RUFY3: variants seen among roughly 807,000 people sequenced by gnomAD.
RUFY3 encodes the protein protein RUFY3.
A neutral mutation model predicts 84.0 loss-of-function variants in RUFY3; 34 were observed. That is an observed-to-expected ratio of 0.40 (90% CI 0.31 to 0.54). RUFY3 has a LOEUF of 0.54. RUFY3 is among the 20% of genes least tolerant of loss of function. RUFY3 has a pLI of 0.39. For missense variants in RUFY3, 507 were observed against 736.8 expected, an observed-to-expected ratio of 0.69 and a Z score of 3.61; for synonymous variants, 242 against 252.9, an observed-to-expected ratio of 0.96 and a Z score of 0.41.
At chr4:70,705,049 C>T in exon 1 of RUFY3, 1 of 1,250,142 alleles carries the variant, frequency 8.0e-7, no homozygotes, top group Non-Finnish European at 1.0e-6. Context: ...GCCGGGGGCA[C>T]GGACCGAGAG....
At chr4:70,769,543 G>A (rs932022299) in intron 5 of RUFY3, among the ~76,000 whole-genome samples, 1 of 152,118 alleles carries the variant, frequency 6.6e-6, no homozygotes, top group African/African-American at 2.4e-5. Context: ...GACTGATCTT[G>A]GCAGTTGCTG....
At chr4:70,759,106 T>C (rs1459727815) in intron 1 of RUFY3, among the ~76,000 whole-genome samples, 1 of 152,302 alleles carries the variant, frequency 6.6e-6, no homozygotes. Context: ...TTACTCATCT[T>C]ATCTAGTTGT....
At chr4:70,802,883 T>A in intron 15 of RUFY3, 73 bp from the exon 16 acceptor site, 1 of 1,102,910 alleles carries the variant, frequency 9.1e-7, no homozygotes, top group East Asian at 2.4e-5. Flanking sequence ...TATTCTGAGC[T>A]TTTTATTGAA....
intron 17 of RUFY3, 36 bp downstream of exon 17, chr4:70,804,452 G>A (rs1267698412): frequency 1.9e-6 from 3 of 1,575,630 alleles, no homozygotes; most frequent in East Asian, 2.2e-5. Context: ...CTTTTCATAG[G>A]GATGTCTACA....
intron 1 of RUFY3, among the ~76,000 whole-genome samples, chr4:70,733,073 AAGAGAGAGAGAGAGAGAGAGAGG>A (rs1719575352): frequency 8.0e-5 from 9 of 112,454 alleles, no homozygotes; most frequent in Admixed American, 2.8e-4. Context: ...TTTCAAAAGA[AAGAGAGAGAGAGAGAGAGAGAGG>A]AGAGAGAGAG....
rs778346957 is a variant in RUFY3 at position 70,733,137 on chromosome 4, G to GGAGAGA, written c.178+10411_178+10416dup. On this transcript the variant is annotated intron_variant, in intron 1 of 17. Transcript: ENST00000381006. The stretch of plus-strand genomic sequence containing the variant: ...GAGAGAGAGGGAGGGAGGGAGGGAG[G>GGAGAGA]GAGAGAGAGAGAGAGAGAGAGAGAG... Among the ~76,000 whole-genome samples the GGAGAGA allele has an allele frequency of 1.5e-3, 132 of 86,630 alleles. 1 individual carries two copies. Among genetic ancestry groups the GGAGAGA allele is most frequent in the East Asian group, 4.2e-3 (10 of 2,366 alleles). The allele number at this position is 86,630 out of a possible 152,430, so 56.8% of individuals were successfully genotyped here. A position where few individuals can be genotyped will look rare whatever the true frequency, so the allele number is the denominator to read the frequency against.
At chr4:70,747,199 A>G (rs895520008) in intron 1 of RUFY3, among the ~76,000 whole-genome samples, 1 of 152,354 alleles carries the variant, frequency 6.6e-6, no homozygotes, top group African/African-American at 2.4e-5. Flanking sequence ...TCAAACTCCC[A>G]CAGACCAGCT....
chr4:70,792,126 A>G (rs1030776405), intron 12 of RUFY3: 4 of 985,630 alleles, frequency 4.1e-6, no homozygotes, highest in Non-Finnish European at 4.8e-6. Flanking sequence ...CTCCTCTCCT[A>G]TTAACAAAAA....
intron 1 of RUFY3, among the ~76,000 whole-genome samples, chr4:70,705,800 G>C (rs1455587926): frequency 1.3e-5 from 2 of 152,230 alleles, no homozygotes; most frequent in African/African-American, 2.4e-5. Context: ...CGCCGCCGCC[G>C]CCGCCAGTGC....
Position 70,800,204 on chromosome 4 carries a change from AGG to A in RUFY3, c.1622_1622+1del. 6.2e-7 allele frequency: 1 copy of A among 1,601,248 alleles called. No homozygotes were observed. ...AAAAAAGCCCCTGGAAGAAAGCCAC[AGG>A]TGTTTGTTAATCAAGTATTAACTAA... is the stretch of plus-strand genomic sequence containing the variant. On this transcript the variant is annotated splice_donor_variant and coding_sequence_variant, in exon 15 of 18. Transcript: ENST00000381006. LOFTEE classifies it high-confidence loss of function.
At chr4:70,776,603 T>C (rs1457768281) in intron 7 of RUFY3, among the ~76,000 whole-genome samples, 1 of 152,078 alleles carries the variant, frequency 6.6e-6, no homozygotes, top group Non-Finnish European at 1.5e-5. Context: ...TGAAACCCCA[T>C]CTCTACTAAA....
At chr4:70,739,826 T>TA (rs1405851049) in intron 1 of RUFY3, among the ~76,000 whole-genome samples, 1 of 127,242 alleles carries the variant, frequency 7.9e-6, no homozygotes, top group East Asian at 2.2e-4. Context: ...GAACTTAAAG[T>TA]ATAAAAAAAA....
Position 70,778,358 on chromosome 4 carries a change from CTATAT to C in RUFY3, c.825-6_825-2del. 1 of 1,514,406 alleles carries C rather than the reference CTATAT, an allele frequency of 6.6e-7. No homozygotes were observed. The highest frequency in any genetic ancestry group is 9.1e-7 in the Non-Finnish European group (1 of 1,094,930). 93.8% of individuals were successfully genotyped at this position (1,514,406 alleles called of 1,614,324 possible). A position where few individuals can be genotyped will look rare whatever the true frequency, so the allele number is the denominator to read the frequency against. On this transcript the variant is annotated splice_polypyrimidine_tract_variant and splice_region_variant and intron_variant, in intron 7 of 17. Transcript: ENST00000381006. The stretch of plus-strand genomic sequence containing the variant: ...TTCAAAAGTGACTTTTTTTTCTTCT[CTATAT>C]TATAGTGCTACTGTAAACAACCTTC...
intron 1 of RUFY3, chr4:70,705,387 G>A: frequency 1.1e-6 from 1 of 937,994 alleles, no homozygotes; most frequent in Admixed American, 4.3e-5. Context: ...CGCCTCCCGC[G>A]GGGTGACCCG....
intron 5 of RUFY3, 39 bp from the exon 6 acceptor site, chr4:70,773,472 A>G (rs947937254): frequency 1.2e-5 from 18 of 1,447,504 alleles, no homozygotes; most frequent in Non-Finnish European, 1.6e-5. Flanking sequence ...TGTAAAGAAT[A>G]TCTAATTTTA....
upstream of RUFY3, among the ~76,000 whole-genome samples, chr4:70,721,556 T>TC (rs1560445772): frequency 1.3e-5 from 2 of 152,216 alleles, no homozygotes; most frequent in African/African-American, 4.8e-5. Context: ...TTGTTTTTTT[T>TC]CCCTCTGAGA....
chr4:70,769,351 A>G (rs1232338345), intron 5 of RUFY3, among the ~76,000 whole-genome samples: 1 of 152,218 alleles, frequency 6.6e-6, no homozygotes, highest in Non-Finnish European at 1.5e-5. Context: ...TTTTAAATAA[A>G]AAGTTTGTTT....
At chr4:70,772,508 A>C (rs1444422916) in intron 5 of RUFY3, among the ~76,000 whole-genome samples, 1 of 152,200 alleles carries the variant, frequency 6.6e-6, no homozygotes, top group Non-Finnish European at 1.5e-5. Flanking sequence ...AACAGGGCCT[A>C]GTACACATTA....
rs567637156 is a variant in RUFY3 at position 70,736,431 on chromosome 4, T to G, written c.178+13680T>G. On this transcript the variant is annotated intron_variant, in intron 1 of 17. Coordinates refer to ENST00000381006, the MANE Select transcript of RUFY3 (RefSeq NM_001037442.4). ...GAAGGTTCACTTGCAAACTCAAAAT[T>G]TTATACATGTAAGATCATACCACAC... is the stretch of plus-strand genomic sequence containing the variant. Among the ~76,000 whole-genome samples the G allele has an allele frequency of 2.0e-3, 310 of 152,296 alleles. 1 individual carries two copies. Among genetic ancestry groups the G allele is most frequent in the Non-Finnish European group, 3.5e-3 (239 of 68,028 alleles).
Sources: allele counts gnomAD v4.1 joint callset (sites outside exome capture counted in the v4.1 genomes callset), GRCh38; gene constraint gnomAD v4.1.1; transcripts MANE v1.5; gene names NCBI Gene and HGNC (gene_info 2026-07-23, HGNC 2026-07-21).